The following ZNF74 variants were observed in gnomAD, a reference collection of about 807,000 sequenced individuals.
ZNF74 encodes zinc finger protein 74.
In ZNF74, 12 loss-of-function variants were observed where a neutral mutation model predicts 17.7. The observed-to-expected ratio is 0.68, with a 90% CI of 0.43 to 1.10. The LOEUF (loss-of-function observed/expected upper bound fraction) is 1.10. Among genes scored for constraint, ZNF74 ranks in the 50% least tolerant of loss-of-function variants. ZNF74 has a pLI of 0.00. For synonymous variants in ZNF74, 358 were observed against 362.1 expected (o/e 0.99, Z 0.13); for missense variants, 811 against 881.0 (o/e 0.92, Z 1.01).
intron 2 of ZNF74, among the ~76,000 whole-genome samples, chr22:20,399,004 G>A (rs184207191): frequency 3.3e-5 from 5 of 152,244 alleles, no homozygotes; most frequent in Non-Finnish European, 5.9e-5. Context: ...ATGGATTTCT[G>A]ATTTAATTCT....
At chr22:20,395,005 G>A (rs898139049) in intron 1 of ZNF74, 3 of 439,006 alleles carry the variant, frequency 6.8e-6, no homozygotes, top group Non-Finnish European at 1.2e-5. Context: ...CGCCCGCCTC[G>A]GCCTCCCAAA....
chr22:20,404,559 G>T (rs577024738), intron 4 of ZNF74, among the ~76,000 whole-genome samples: 14 of 152,176 alleles, frequency 9.2e-5, no homozygotes, highest in African/African-American at 3.4e-4. Flanking sequence ...GGGCTCAAGT[G>T]ATCCGCCACC....
chr22:20,397,675 T>A (rs1370227826), intron 2 of ZNF74, among the ~76,000 whole-genome samples: 1 of 152,236 alleles, frequency 6.6e-6, no homozygotes, highest in African/African-American at 2.4e-5. Flanking sequence ...TTTGAGTTTA[T>A]CCATATTGTT....
chr22:20,400,454 C>G (rs528634251), intron 2 of ZNF74, 178 bp from the exon 3 acceptor site: 4 of 668,578 alleles, frequency 6.0e-6, no homozygotes, highest in East Asian at 2.8e-5. Flanking sequence ...CCCAGCCCCC[C>G]TCCCTGCCCC....
intron 2 of ZNF74, chr22:20,399,571 C>CT (rs362136): frequency 0.52 from 176,245 of 339,486 alleles, 32,594 homozygotes; most frequent in East Asian, 0.73. Context: ...TTTACATGTC[C>CT]TTTTTTTTTT....
chr22:20,395,254 A>C, intron 1 of ZNF74, 79 bp from the exon 2 acceptor site: 1 of 1,128,570 alleles, frequency 8.9e-7, no homozygotes, highest in Non-Finnish European at 1.3e-6. Flanking sequence ...TCTGATTCTC[A>C]CTTGTGCCAC....
chr22:20,399,088 G>A (rs2052329126), intron 2 of ZNF74, among the ~76,000 whole-genome samples: 1 of 152,170 alleles, frequency 6.6e-6, no homozygotes, highest in African/African-American at 2.4e-5. Context: ...ATTTCCCAGA[G>A]TGTGGTTTAT....
chr22:20,400,549 G>T (rs1215626769), intron 2 of ZNF74, 83 bp from the exon 3 acceptor site: 6 of 1,559,050 alleles, frequency 3.8e-6, no homozygotes, highest in East Asian at 2.2e-5. Flanking sequence ...CCCTTTACTT[G>T]TAGGGTCCTT....
In ZNF74 at chr22:20,407,015, A is replaced by C; in HGVS notation, c.*47A>C. On this transcript the variant is annotated 3_prime_UTR_variant, in exon 5 of 5. Transcript: ENST00000400451. ...TAGCTGCTTTCTGAGCTACTCAACA[A>C]GGAAAGCACCCTGGTCCTCCCTGGC... 1.3e-6 allele frequency: 2 copies of C among 1,550,114 alleles called. No individual in the cohort carries two copies. Among genetic ancestry groups the C allele is most frequent in the Non-Finnish European group, 1.7e-6 (2 of 1,148,554 alleles).
chr22:20,407,115 T>C lies in ZNF74; in HGVS notation c.*147T>C. On this transcript the variant is annotated 3_prime_UTR_variant, in exon 5 of 5. Coordinates refer to ENST00000400451, the MANE Select transcript of ZNF74 (RefSeq NM_003426.4). ...CCCCCATCAGGTCTGCATGCCAGGG[T>C]GCCTCCTCTAGTTAAAGTCAGTCAC... 1 of 1,322,650 alleles carries C rather than the reference T, an allele frequency of 7.6e-7. No individual in the cohort carries two copies. Among genetic ancestry groups the C allele is most frequent in the Non-Finnish European group, 1.0e-6 (1 of 997,646 alleles). 81.9% of individuals were successfully genotyped at this position (1,322,650 alleles called of 1,614,324 possible).
At position 20,401,137 on chromosome 22, in the gene ZNF74, C is replaced by T; in HGVS notation, c.248-140C>T. ...TTTGGGTTCCAGTCTGAGACCCTCA[C>T]TGCTTTTGGCCCAGAGGACCTCCTG... On this transcript the variant is annotated intron_variant, in intron 3 of 4. Coordinates refer to ENST00000400451, the MANE Select transcript of ZNF74 (RefSeq NM_003426.4). This position sits in a 1 kb window ranked among gnomAD's most constrained non-coding sequence, Gnocchi z 4.2. 2 of 631,436 alleles carry T rather than the reference C, an allele frequency of 3.2e-6. No individual in the cohort carries two copies. The highest frequency in any genetic ancestry group is 5.7e-6 in the Non-Finnish European group (2 of 353,076). 39.1% of individuals were successfully genotyped at this position (631,436 alleles called of 1,614,324 possible).
intron 2 of ZNF74, among the ~76,000 whole-genome samples, chr22:20,397,059 T>G (rs1000253445): frequency 7.4e-6 from 1 of 135,234 alleles, no homozygotes; most frequent in Non-Finnish European, 1.6e-5. Flanking sequence ...GTGGAGCTAT[T>G]TTTTTGTTTT....
At position 20,406,126 on chromosome 22, in the gene ZNF74, T is replaced by C. The variant is rs1180908880; in HGVS notation, c.1093T>C (p.Cys365Arg). ...TGEKPYRCGE[C>R]GKAFNQRTHL... ...CGAGAAGCCCTACCGGTGCGGCGAG[T>C]GCGGCAAGGCCTTCAACCAGCGTAC... is the stretch of plus-strand genomic sequence containing the variant. Residue 365 changes from cysteine (C) to arginine (R), a missense_variant, in exon 5 of 5, where the codon TGC becomes CGC. By Grantham distance (180) the Cys-to-Arg change is radical. This residue lies in a region of ZNF74 where 666 missense variants were observed against 702.3 expected (regional missense o/e 0.95). Coordinates refer to ENST00000400451, the MANE Select transcript of ZNF74 (RefSeq NM_003426.4). The C allele has an allele frequency of 6.2e-6, 10 of 1,613,294 alleles. No homozygotes were observed. Among genetic ancestry groups the C allele is most frequent in the Non-Finnish European group, 8.5e-6 (10 of 1,179,806 alleles).
In ZNF74 at chr22:20,406,462, T is replaced by TGCGGCAAAGCCTTCA; in HGVS notation, c.1432_1446dup (p.Gly478_Ser482dup). 2 of 1,613,842 alleles carry TGCGGCAAAGCCTTCA rather than the reference T, an allele frequency of 1.2e-6. No homozygotes were observed. The highest frequency in any genetic ancestry group is 1.7e-6 in the Non-Finnish European group (2 of 1,179,912). On this transcript the variant is annotated inframe_insertion, in exon 5 of 5. Transcript: ENST00000400451. ...CGAGAAGCCCTTCAAGTGCAACGAG[T>TGCGGCAAAGCCTTCA]GCGGCAAAGCCTTCAGCTCCCACGC...
chr22:20,406,205 G>T lies in ZNF74; in HGVS notation c.1172G>T (p.Gly391Val). 6.2e-7 allele frequency: 1 copy of T among 1,611,034 alleles called. No homozygotes were observed. The highest frequency in any genetic ancestry group is 2.2e-5 in the East Asian group (1 of 44,772). Residue 391 changes from glycine (G) to valine (V), a missense_variant, in exon 5 of 5, where the codon GGC becomes GTC. Gly to Val is a moderately radical substitution (Grantham distance 109, BLOSUM62 -3). This residue lies in a region of ZNF74 where 666 missense variants were observed against 702.3 expected (regional missense o/e 0.95). Transcript: ENST00000400451. ...ACGGGCGAGAAGCCCTACCAGTGCG[G>T]CTCCTGCGGCAAGGCCTTCACCTGC... ...IHTGEKPYQC[G>V]SCGKAFTCHS...
At chr22:20,402,940 C>G (rs1372637032) in intron 4 of ZNF74, among the ~76,000 whole-genome samples, 2 of 152,160 alleles carry the variant, frequency 1.3e-5, no homozygotes, top group Non-Finnish European at 2.9e-5. Flanking sequence ...CCATTGCACT[C>G]CAGCCTGTGT....
chr22:20,400,789 C>T (rs372460881), intron 3 of ZNF74, 31 bp downstream of exon 3: 31 of 1,610,376 alleles, frequency 1.9e-5, no homozygotes, highest in African/African-American at 6.7e-5. Flanking sequence ...GGCTGGGCGT[C>T]GGCTGTCAGC....
intron 1 of ZNF74, 72 bp downstream of exon 1, chr22:20,394,734 G>A: frequency 6.8e-7 from 1 of 1,466,480 alleles, no homozygotes; most frequent in Non-Finnish European, 9.4e-7. Flanking sequence ...AGAGAGATCA[G>A]GCCAGTTTCC....
chr22:20,403,785 C>T (rs956177590), intron 4 of ZNF74, among the ~76,000 whole-genome samples: 8 of 152,208 alleles, frequency 5.3e-5, no homozygotes, highest in Non-Finnish European at 7.4e-5. Context: ...CTGCTTCCCC[C>T]GCCCCCCGTC....
Sources: allele counts gnomAD v4.1 joint callset (sites outside exome capture counted in the v4.1 genomes callset), GRCh38; gene constraint gnomAD v4.1.1; regional missense constraint gnomAD v4.1.1; non-coding constraint Gnocchi (gnomAD v3.1); transcripts MANE v1.5; gene names NCBI Gene and HGNC (gene_info 2026-07-23, HGNC 2026-07-21).